CCDC150: variants seen among roughly 807,000 people sequenced by gnomAD.
The protein encoded by CCDC150 is coiled-coil domain-containing protein 150.
A neutral mutation model predicts 156.5 loss-of-function variants in CCDC150; 151 were observed. The observed-to-expected ratio is 0.97, with a 90% confidence interval of 0.85 to 1.10. The LOEUF (loss-of-function observed/expected upper bound fraction) is 1.10, where lower values mean the gene tolerates loss of function less well. CCDC150 is among the 50% of genes least tolerant of loss of function. CCDC150 has a pLI of 0.00. For missense variants in CCDC150, 1,312 were observed against 1,268.1 expected (o/e 1.03, Z -0.53); for synonymous variants, 452 against 429.4 (o/e 1.05, Z -0.65).
intron 16 of CCDC150, 164 bp from the exon 17 acceptor site, chr2:196,712,513 A>G: frequency 1.6e-6 from 1 of 609,590 alleles, no homozygotes; most frequent in East Asian, 2.8e-5. Flanking sequence ...AAACTTTATT[A>G]GAGAATAGAA....
chr2:196,702,424 T>G (rs1015831299), intron 15 of CCDC150, among the ~76,000 whole-genome samples: 3 of 151,326 alleles, frequency 2.0e-5, no homozygotes, highest in Non-Finnish European at 2.9e-5. Context: ...AATGGTGCAA[T>G]ATCTGGGCTT....
intron 17 of CCDC150, chr2:196,713,710 TAAGG>T: frequency 7.2e-7 from 1 of 1,384,530 alleles, no homozygotes; most frequent in South Asian, 2.0e-5. Flanking sequence ...AATTAAATCT[TAAGG>T]AAGTTTTAAA....
chr2:196,673,730 TATATG>T (rs1403679290), intron 9 of CCDC150, among the ~76,000 whole-genome samples: 6 of 152,188 alleles, frequency 3.9e-5, no homozygotes, highest in South Asian at 2.1e-4. Context: ...ACTACCTACA[TATATG>T]ATATATCTGT....
intron 14 of CCDC150, among the ~76,000 whole-genome samples, chr2:196,700,214 A>G (rs1281598073): frequency 6.6e-6 from 1 of 152,202 alleles, no homozygotes; most frequent in Non-Finnish European, 1.5e-5. Context: ...TGAACTTAAG[A>G]TTTACTGCAA....
At chr2:196,701,706 T>C (rs1273750253) in intron 15 of CCDC150, among the ~76,000 whole-genome samples, 1 of 152,182 alleles carries the variant, frequency 6.6e-6, no homozygotes, top group Non-Finnish European at 1.5e-5. Flanking sequence ...TTAGAATCAC[T>C]AGGCAGTTTT....
chr2:196,730,868 G>T lies in CCDC150; in HGVS notation c.2992G>T (p.Glu998Ter). 1 of 1,594,210 alleles carries T rather than the reference G, an allele frequency of 6.3e-7. No individual in the cohort carries two copies. Among genetic ancestry groups the T allele is most frequent in the South Asian group, 1.1e-5 (1 of 87,070 alleles). ...TGTATCACATTTTCAGGAATTGGAAGAAACTGTCAGACACCTGAAGAAATG... is the reference window on the plus strand; with the variant it reads ...TGTATCACATTTTCAGGAATTGGAATAAACTGTCAGACACCTGAAGAAATG... The part of the protein sequence containing the change: ...ELENRCQELE[E>*]TVRHLKKCKE... Residue 998 changes from glutamate (E) to a stop codon, truncating the protein, a stop_gained, in exon 26 of 28, where the codon GAA becomes TAA. Transcript: ENST00000389175. LOFTEE classifies it high-confidence loss of function.
At chr2:196,689,572 T>C (rs971058898) in intron 13 of CCDC150, among the ~76,000 whole-genome samples, 9 of 152,100 alleles carry the variant, frequency 5.9e-5, no homozygotes, top group Non-Finnish European at 1.5e-5. Context: ...ATAAGAATGC[T>C]TGTGATTTTT....
In CCDC150 at chr2:196,672,374, T is replaced by A; in HGVS notation, c.966T>A (p.His322Gln). 6.5e-7 allele frequency: 1 copy of A among 1,544,422 alleles called. No homozygotes were observed. Among genetic ancestry groups the A allele is most frequent in the Non-Finnish European group, 8.7e-7 (1 of 1,148,266 alleles). ...KNLQISFNKE[H>Q]EENAYLRSEI... ...TGCAGATATCTTTCAACAAGGAACA[T>A]GAAGAAAATGCATATTTGAGGTCCG... Residue 322 changes from histidine (H) to glutamine (Q), a missense_variant, in exon 9 of 28, where the codon CAT becomes CAA. Physicochemically the swap from His to Gln is conservative, Grantham distance 24. Coordinates refer to ENST00000389175, the MANE Select transcript of CCDC150 (RefSeq NM_001080539.2).
intron 7 of CCDC150, among the ~76,000 whole-genome samples, chr2:196,668,257 A>G (rs1042760442): frequency 2.8e-5 from 4 of 141,840 alleles, no homozygotes; most frequent in Non-Finnish European, 4.5e-5. Flanking sequence ...AGATCGTGCC[A>G]TTGCACTCCA....
intron 17 of CCDC150, among the ~76,000 whole-genome samples, chr2:196,716,822 G>A (rs1331522303): frequency 1.5e-5 from 2 of 133,414 alleles, no homozygotes; most frequent in African/African-American, 2.8e-5. Context: ...ATTCAAAAAT[G>A]TATTAAATGT....
intron 13 of CCDC150, among the ~76,000 whole-genome samples, chr2:196,690,887 C>T (rs1220805658): frequency 1.3e-5 from 2 of 152,084 alleles, no homozygotes; most frequent in Non-Finnish European, 2.9e-5. Context: ...CCTTCAATAC[C>T]TAGTTTATTG....
chr2:196,677,554 T>C (rs976162341), intron 13 of CCDC150, among the ~76,000 whole-genome samples, 193 bp downstream of exon 13: 1 of 152,200 alleles, frequency 6.6e-6, no homozygotes, highest in African/African-American at 2.4e-5. Context: ...CATTTTCTTG[T>C]TGAGCATCTG....
At chr2:196,658,723 G>C in intron 4 of CCDC150, 69 bp from the exon 5 acceptor site, 1 of 1,155,706 alleles carries the variant, frequency 8.7e-7, no homozygotes, top group Non-Finnish European at 1.3e-6. Flanking sequence ...GATTTGATCT[G>C]ATATACCTAT....
intron 2 of CCDC150, among the ~76,000 whole-genome samples, chr2:196,650,141 G>A (rs896451798): frequency 9.2e-5 from 14 of 152,190 alleles, no homozygotes; most frequent in South Asian, 2.1e-4. Flanking sequence ...CATATATGGC[G>A]TTTATTATGT....
In CCDC150 at chr2:196,683,307, G is replaced by T. The variant is rs1268238976; in HGVS notation, c.1509+5946G>T. ...GTTTTGTTCTTTGTTCTATTACTAT[G>T]GTGTATTACAGTGATTGACTTGAAA... On this transcript the variant is annotated intron_variant, in intron 13 of 27. Transcript: ENST00000389175. Among the ~76,000 whole-genome samples the T allele has an allele frequency of 2.0e-5, 3 of 151,876 alleles. 1 individual carries two copies. The highest frequency in any genetic ancestry group is 4.4e-5 in the Non-Finnish European group (3 of 67,868).
intron 13 of CCDC150, among the ~76,000 whole-genome samples, chr2:196,689,169 C>T (rs1010191458): frequency 0.026 from 3,973 of 152,216 alleles, 180 homozygotes; most frequent in African/African-American, 0.09. Context: ...AATTTGAAGT[C>T]AGGTAGTGTG....
chr2:196,672,301 G>C (rs754732344), intron 8 of CCDC150, 44 bp from the exon 9 acceptor site: 2 of 995,054 alleles, frequency 2.0e-6, no homozygotes, highest in Admixed American at 3.4e-5. Flanking sequence ...GGTGCACATA[G>C]TATCTCTTAT....
At chr2:196,728,411 T>G (rs553259407) in intron 22 of CCDC150, among the ~76,000 whole-genome samples, 16 of 152,310 alleles carry the variant, frequency 1.1e-4, no homozygotes, top group African/African-American at 3.4e-4. Flanking sequence ...CTTTGCTGTG[T>G]TAAATGCTAC....
At chr2:196,720,988 G>C (rs1469716488) in intron 20 of CCDC150, among the ~76,000 whole-genome samples, 1 of 151,950 alleles carries the variant, frequency 6.6e-6, no homozygotes, top group Non-Finnish European at 1.5e-5. Flanking sequence ...GAAACACCTG[G>C]AGTGATCCCA....
Sources: gnomAD v4.1 joint callset for allele counts (sites outside exome capture counted in the v4.1 genomes callset) on GRCh38, gnomAD v4.1.1 for gene constraint, MANE v1.5 for transcripts, NCBI Gene and HGNC (gene_info 2026-07-23, HGNC 2026-07-21) for gene names.